FLT3: variants seen among roughly 807,000 people sequenced by gnomAD.
The protein encoded by FLT3 is receptor-type tyrosine-protein kinase FLT3.
Under a neutral mutation model 126.6 loss-of-function variants are expected in FLT3, and 46 were observed. The observed-to-expected ratio is 0.36, with a 90% CI of 0.29 to 0.46. The LOEUF is 0.46. FLT3 is among the 20% of genes least tolerant of loss of function. The probability of loss-of-function intolerance (pLI) is 1.00; values close to 1 mark genes in which losing one functional copy is unlikely to be tolerated. For synonymous variants in FLT3, 404 were observed against 434.4 expected (o/e 0.93, Z 0.87); for missense variants, 1,069 against 1,190.3 (o/e 0.90, Z 1.50).
At chr13:28,050,698 G>C (rs1875363540) in intron 5 of FLT3, among the ~76,000 whole-genome samples, 1 of 152,086 alleles carries the variant, frequency 6.6e-6, no homozygotes, top group Non-Finnish European at 1.5e-5. Context: ...GAGGGCCAAG[G>C]TGTCACCCAC....
rs1470658707 is a variant in FLT3, at chr13:28,035,625, T to A, written c.1467A>T (p.Arg489Ser). The A allele has an allele frequency of 6.2e-7, 1 of 1,614,028 alleles. No homozygotes were observed. Among genetic ancestry groups the A allele is most frequent in the East Asian group, 2.2e-5 (1 of 44,890 alleles). ...TCGACACCCACTGTCCAAACACTTT[T>A]CTGTTAGCCTTTCTATTCCAGACTC... ...TEGVWNRKAN[R>S]KVFGQWVSSS... The change falls in exon 12 of 24, where the codon AGA becomes AGT. Residue 489 changes from arginine (R) to serine (S), a missense_variant. By Grantham distance (110) the Arg-to-Ser change is moderately radical. Transcript: ENST00000241453.
intron 23 of FLT3, among the ~76,000 whole-genome samples, chr13:28,004,974 A>G (rs912741166): frequency 1.3e-5 from 2 of 152,228 alleles, no homozygotes; most frequent in African/African-American, 4.8e-5. Flanking sequence ...GAAGAGATTT[A>G]CTTTCCTTTC....
At position 28,070,535 on chromosome 13, in the gene FLT3, T is replaced by C. The variant is rs139579569; in HGVS notation, c.121A>G (p.Lys41Glu). 135 of 1,602,290 alleles carry C rather than the reference T, an allele frequency of 8.4e-5. No homozygotes were observed. Among genetic ancestry groups the C allele is most frequent in the Non-Finnish European group, 1.1e-4 (125 of 1,169,738 alleles). Residue 41 changes from lysine to glutamate, a missense_variant, in exon 2 of 24, where the codon AAG (lysine) becomes GAG (glutamate). Transcript: ENST00000241453. ...PVIKCVLINHKNNDSSVGKSS... is the reference protein window; with the variant it reads ...PVIKCVLINHENNDSSVGKSS... ...TTCCCCACTGATGAATCATTGTTCT[T>C]ATGATTGATTAAAACACACTTGATC...
At chr13:28,026,598 A>G (rs1415255722) in intron 17 of FLT3, among the ~76,000 whole-genome samples, 1 of 150,866 alleles carries the variant, frequency 6.6e-6, no homozygotes, top group East Asian at 2.0e-4. Context: ...ATAAACACAG[A>G]GCAGAGACAA....
chr13:28,090,529 G>A (rs1469886073), intron 1 of FLT3, among the ~76,000 whole-genome samples: 2 of 152,092 alleles, frequency 1.3e-5, no homozygotes, highest in Non-Finnish European at 2.9e-5. Context: ...TATAATCCCA[G>A]TACTTTGGGA....
chr13:28,061,725 T>C, intron 3 of FLT3, 142 bp downstream of exon 3: 1 of 632,106 alleles, frequency 1.6e-6, no homozygotes, highest in Non-Finnish European at 2.8e-6. Context: ...GAGACAAGAT[T>C]GTGCCACTCT....
chr13:28,061,939 C>T lies in FLT3; in HGVS notation c.296G>A (p.Gly99Glu). Residue 99 changes from glycine to glutamate, a missense_variant, in exon 3 of 24, where the codon GGG becomes GAG. Coordinates refer to ENST00000241453, the MANE Select transcript of FLT3 (RefSeq NM_004119.3). Reference protein sequence around the residue: ...ITLQVLVDAPGNISCLWVFKH... With the variant: ...ITLQVLVDAPENISCLWVFKH... ...AAAGACCCAGAGACAGGAAATGTTC[C>T]CTGGGGCGTCGACCAGCACTTGCAG... 1 of 1,613,872 alleles carries T rather than the reference C, an allele frequency of 6.2e-7. No homozygotes were observed. Among genetic ancestry groups the T allele is most frequent in the Non-Finnish European group, 8.5e-7 (1 of 1,179,870 alleles).
At position 28,100,502 on chromosome 13, in the gene FLT3, C is replaced by T. The variant is rs1049075821; in HGVS notation, c.9G>A (p.Ala3=). The change falls in exon 1 of 24, where the codon GCG becomes GCA. Residue 3 remains alanine (A), a synonymous_variant. Transcript: ENST00000241453. This position sits in a 1 kb window ranked among gnomAD's most constrained non-coding sequence, Gnocchi z 4.8. ...GCAGCTGGCCGCCGTCGCGCGCCAA[C>T]GCCGGCATGGCCTCCGGAGCCCGGG... is the stretch of plus-strand genomic sequence containing the variant. MP[A]LARDGGQLPL... 7.4e-6 allele frequency: 9 copies of T among 1,216,466 alleles called. No homozygotes were observed. In the South Asian group the frequency reaches 1.7e-4, roughly 22 times the overall value. 75.4% of individuals were successfully genotyped at this position (1,216,466 alleles called of 1,614,324 possible).
At chr13:28,067,124 G>A (rs1053151198) in intron 2 of FLT3, among the ~76,000 whole-genome samples, 11 of 152,232 alleles carry the variant, frequency 7.2e-5, no homozygotes, top group Admixed American at 6.5e-5. Context: ...TGGGGTTCAA[G>A]CGATTCTCCT....
chr13:28,096,039 T>A (rs1164235228), intron 1 of FLT3, among the ~76,000 whole-genome samples: 1 of 152,180 alleles, frequency 6.6e-6, no homozygotes, highest in Non-Finnish European at 1.5e-5. Context: ...AAGCATTAAA[T>A]ACAGTACTAT....
intron 11 of FLT3, 74 bp from the exon 12 acceptor site, chr13:28,035,747 G>C: frequency 2.7e-6 from 4 of 1,461,990 alleles, no homozygotes; most frequent in Non-Finnish European, 3.7e-6. Flanking sequence ...TCTGCAGCGA[G>C]TTCTAAAAGA....
chr13:28,059,013 G>A (rs1223068204), intron 3 of FLT3, among the ~76,000 whole-genome samples: 4 of 152,118 alleles, frequency 2.6e-5, no homozygotes, highest in African/African-American at 9.7e-5. Flanking sequence ...TGTGGCTCAC[G>A]CCTGTAATCC....
At position 28,073,406 on chromosome 13, in the gene FLT3, C is replaced by T. The variant is rs182961470; in HGVS notation, c.44-2794G>A. The T allele has an allele frequency of 1.2e-3, 533 of 441,470 alleles. 2 individuals carry two copies. The highest frequency in any genetic ancestry group is 1.6e-3 in the Non-Finnish European group (368 of 223,962). 27.3% of individuals were successfully genotyped at this position (441,470 alleles called of 1,614,324 possible). ...TGTCACTTGAGTGGTCTGTAGATAG[C>T]GACAGGAGGTAATATATGTGTCCAG... is the stretch of plus-strand genomic sequence containing the variant. On this transcript the variant is annotated intron_variant, in intron 1 of 23. Coordinates refer to ENST00000241453, the MANE Select transcript of FLT3 (RefSeq NM_004119.3).
intron 2 of FLT3, among the ~76,000 whole-genome samples, chr13:28,066,193 A>C (rs1593281570): frequency 1.3e-5 from 2 of 152,234 alleles, no homozygotes; most frequent in Admixed American, 1.3e-4. Flanking sequence ...GACAAAAAGC[A>C]CTGTACACAA....
At chr13:28,035,384 A>G in intron 12 of FLT3, 111 bp downstream of exon 12, 1 of 999,428 alleles carries the variant, frequency 1.0e-6, no homozygotes, top group Non-Finnish European at 1.5e-6. Flanking sequence ...CTTTTCTCAC[A>G]CACTGACCCT....
intron 1 of FLT3, among the ~76,000 whole-genome samples, chr13:28,098,775 C>T (rs1175089363): frequency 7.0e-6 from 1 of 142,608 alleles, no homozygotes; most frequent in Non-Finnish European, 1.5e-5. Context: ...CGGAATGGTA[C>T]CAGCAATTAA....
intron 8 of FLT3, among the ~76,000 whole-genome samples, chr13:28,048,887 C>T (rs762128489): frequency 6.6e-6 from 1 of 152,146 alleles, no homozygotes; most frequent in African/African-American, 2.4e-5. Flanking sequence ...TATGGCTGAA[C>T]GCTGTGCCCT....
intron 1 of FLT3, among the ~76,000 whole-genome samples, chr13:28,085,247 G>A (rs969855182): frequency 2.7e-5 from 4 of 150,906 alleles, no homozygotes; most frequent in Non-Finnish European, 5.9e-5. Context: ...GGGAGGCTGA[G>A]GCAGGAGAAC....
chr13:28,039,478 T>C (rs1006235063), intron 9 of FLT3, among the ~76,000 whole-genome samples: 5 of 151,292 alleles, frequency 3.3e-5, no homozygotes, highest in Non-Finnish European at 2.9e-5. Flanking sequence ...CGGGATGAAT[T>C]ACGCATTTTA....
Sources: allele counts gnomAD v4.1 joint callset (sites outside exome capture counted in the v4.1 genomes callset), GRCh38; gene constraint gnomAD v4.1.1; non-coding constraint Gnocchi (gnomAD v3.1); transcripts MANE v1.5; gene names NCBI Gene and HGNC (gene_info 2026-07-23, HGNC 2026-07-21).